The following CADM2 variants were observed in gnomAD, a reference collection of about 807,000 sequenced individuals.
CADM2 encodes the protein cell adhesion molecule 2.
A neutral mutation model predicts 49.8 loss-of-function variants in CADM2; 12 were observed. That is an observed-to-expected ratio of 0.24 (90% CI 0.15 to 0.39). The LOEUF (loss-of-function observed/expected upper bound fraction) is 0.39. CADM2 is among the 10% of genes least tolerant of loss of function. The probability of loss-of-function intolerance (pLI) is 1.00; values close to 1 mark genes in which losing one functional copy is unlikely to be tolerated. For missense variants in CADM2, 378 were observed against 492.3 expected (o/e 0.77, Z 2.20); for synonymous variants, 214 against 175.4 (o/e 1.22, Z -1.74).
At chr3:85,308,817 T>C (rs371572584) in intron 1 of CADM2, among the ~76,000 whole-genome samples, 1 of 152,104 alleles carries the variant, frequency 6.6e-6, no homozygotes, top group Non-Finnish European at 1.5e-5. Flanking sequence ...TGTACACATA[T>C]TGATTTACCC....
chr3:84,964,614 G>A (rs745775344), intron 1 of CADM2, among the ~76,000 whole-genome samples: 4 of 152,112 alleles, frequency 2.6e-5, no homozygotes, highest in East Asian at 1.9e-4. Flanking sequence ...CAAGGAGGCC[G>A]ACTCAAAACT....
At chr3:85,838,395 C>G (rs1039113175) in intron 3 of CADM2, among the ~76,000 whole-genome samples, 10 of 151,772 alleles carry the variant, frequency 6.6e-5, no homozygotes, top group Non-Finnish European at 5.9e-5. Flanking sequence ...GAGCTTGAAG[C>G]CGAGATTGGA....
chr3:85,282,054 A>C (rs1324880218), intron 1 of CADM2, among the ~76,000 whole-genome samples: 1 of 152,066 alleles, frequency 6.6e-6, no homozygotes, highest in Non-Finnish European at 1.5e-5. Context: ...TCAAAAATCA[A>C]ACCTATGCTT....
intron 1 of CADM2, among the ~76,000 whole-genome samples, chr3:85,553,071 T>C (rs560395690): frequency 6.6e-6 from 1 of 152,172 alleles, no homozygotes; most frequent in South Asian, 2.1e-4. Flanking sequence ...ATTATGTTCT[T>C]ACAATGAAAA....
chr3:85,818,140 T>C lies in CADM2; in HGVS notation c.238+15944T>C, dbSNP rs556829785. On this transcript the variant is annotated intron_variant, in intron 3 of 9. Coordinates refer to ENST00000383699, the MANE Select transcript of CADM2 (RefSeq NM_001167675.2). ...AGCAAAGACCCTGTGTTCTTAGTGC[T>C]GTAACTACATTGAGGGTAACAACGA... Among the ~76,000 whole-genome samples the C allele has an allele frequency of 2.0e-5, 3 of 152,234 alleles. No homozygotes were observed. The South Asian group carries it at 6.2e-4, about 32-fold the overall frequency.
chr3:86,063,861 G>C (rs1410035954), intron 8 of CADM2, among the ~76,000 whole-genome samples: 1 of 151,940 alleles, frequency 6.6e-6, no homozygotes, highest in African/African-American at 2.4e-5. Context: ...GAGGCTATCC[G>C]CAACAATGAA....
intron 7 of CADM2, among the ~76,000 whole-genome samples, chr3:85,942,050 G>T (rs1043297583): frequency 6.6e-6 from 1 of 151,910 alleles, no homozygotes; most frequent in Non-Finnish European, 1.5e-5. Flanking sequence ...GGTAGAATTG[G>T]GATTACAAAC....
rs145617030 is a variant in CADM2 at position 86,044,978 on chromosome 3, A to C, written c.971-20627A>C. 3.1e-3 allele frequency among the ~76,000 whole-genome samples: 455 copies of C among 148,948 alleles called. 3 individuals are homozygous for C. Among genetic ancestry groups the C allele is most frequent in the African/African-American group, 0.01 (411 of 40,816 alleles). ...GCAAGGACAAAAAACCAAACACTGC[A>C]TGTTCTCACTCATAGGTGGGAATTG... On this transcript the variant is annotated intron_variant, in intron 8 of 9. Coordinates refer to ENST00000383699, the MANE Select transcript of CADM2 (RefSeq NM_001167675.2).
intron 1 of CADM2, among the ~76,000 whole-genome samples, chr3:85,417,188 A>T (rs907507424): frequency 2.0e-5 from 3 of 152,136 alleles, no homozygotes; most frequent in African/African-American, 7.2e-5. Flanking sequence ...TTTTGTACCC[A>T]TTTATTTCTT....
chr3:85,159,631 G>A (rs1349826921), intron 1 of CADM2, among the ~76,000 whole-genome samples: 1 of 152,156 alleles, frequency 6.6e-6, no homozygotes, highest in Non-Finnish European at 1.5e-5. Context: ...TAGGGCAATA[G>A]GTGAACATCT....
chr3:85,309,721 G>A (rs909914448), intron 1 of CADM2, among the ~76,000 whole-genome samples: 1 of 152,144 alleles, frequency 6.6e-6, no homozygotes, highest in Non-Finnish European at 1.5e-5. Context: ...GGAATCAGCA[G>A]CCTCTGGACA....
chr3:85,905,629 C>A (rs1716695758), intron 5 of CADM2, among the ~76,000 whole-genome samples: 1 of 151,220 alleles, frequency 6.6e-6, no homozygotes, highest in Non-Finnish European at 1.5e-5. Context: ...GAAAAGAGAG[C>A]AGAAGGGAGA....
chr3:85,154,579 A>G (rs1395942197), intron 1 of CADM2, among the ~76,000 whole-genome samples: 1 of 151,780 alleles, frequency 6.6e-6, no homozygotes, highest in Non-Finnish European at 1.5e-5. Context: ...GATTCAGGAA[A>G]TACAGAGAAC....
intron 1 of CADM2, among the ~76,000 whole-genome samples, chr3:85,500,409 T>G (rs889785827): frequency 1.3e-5 from 2 of 152,174 alleles, no homozygotes; most frequent in Non-Finnish European, 2.9e-5. Flanking sequence ...ATACTTTAAT[T>G]GGTAAAGTTT....
At chr3:85,842,949 C>T (rs1216985527) in intron 3 of CADM2, among the ~76,000 whole-genome samples, 2 of 151,942 alleles carry the variant, frequency 1.3e-5, no homozygotes, top group Non-Finnish European at 2.9e-5. Context: ...CAATTGTGGA[C>T]ATGCATTCAT....
At chr3:85,872,364 A>G (rs2075962410) in intron 3 of CADM2, among the ~76,000 whole-genome samples, 2 of 152,176 alleles carry the variant, frequency 1.3e-5, no homozygotes, top group African/African-American at 4.8e-5. Flanking sequence ...CTGCTGAACC[A>G]TTATATTTAA....
intron 1 of CADM2, among the ~76,000 whole-genome samples, chr3:85,118,375 C>A (rs1465808851): frequency 1.3e-5 from 2 of 152,070 alleles, no homozygotes; most frequent in Admixed American, 6.6e-5. Context: ...AAGATATACC[C>A]AAAACTGGGT....
At chr3:85,428,361 TTA>T (rs1245572915) in intron 1 of CADM2, among the ~76,000 whole-genome samples, 1 of 146,118 alleles carries the variant, frequency 6.8e-6, no homozygotes, top group Admixed American at 7.0e-5. Context: ...TTCATATATA[TTA>T]TATATAATAT....
At chr3:85,210,842 A>G (rs1034167841) in intron 1 of CADM2, among the ~76,000 whole-genome samples, 2 of 152,172 alleles carry the variant, frequency 1.3e-5, no homozygotes, top group African/African-American at 4.8e-5. Context: ...CACCAGCCAG[A>G]ATAGTTTGAG....
Sources: gnomAD v4.1 joint callset for allele counts (sites outside exome capture counted in the v4.1 genomes callset) on GRCh38, gnomAD v4.1.1 for gene constraint, MANE v1.5 for transcripts, NCBI Gene and HGNC (gene_info 2026-07-23, HGNC 2026-07-21) for gene names.